RNF130: variants seen among roughly 807,000 people sequenced by gnomAD.
RNF130 encodes the protein E3 ubiquitin-protein ligase RNF130.
A neutral mutation model predicts 44.6 loss-of-function variants in RNF130; 21 were observed. The observed-to-expected ratio is 0.47, with a 90% CI of 0.33 to 0.68. The LOEUF is 0.68. Ranked by LOEUF, RNF130 falls within the 30% of genes least tolerant of loss-of-function variation. The pLI is 0.02. For synonymous variants in RNF130, 214 were observed against 210.4 expected, an observed-to-expected ratio of 1.02 and a Z score of -0.15; for missense variants, 479 against 560.6, an observed-to-expected ratio of 0.85 and a Z score of 1.47.
chr5:180,065,132 AT>A (rs1349977781), intron 1 of RNF130, among the ~76,000 whole-genome samples: 3 of 140,062 alleles, frequency 2.1e-5, no homozygotes, highest in Admixed American at 7.2e-5. Flanking sequence ...TACAGAATGA[AT>A]TTAAAAAAAA....
chr5:179,941,480 G>A (rs974717182), intron 7 of RNF130, among the ~76,000 whole-genome samples: 2 of 152,108 alleles, frequency 1.3e-5, no homozygotes, highest in African/African-American at 2.4e-5. Flanking sequence ...GATGGTTATC[G>A]GGGTTCTTTC....
At chr5:179,926,510 G>A (rs1761709315) in intron 7 of RNF130, among the ~76,000 whole-genome samples, 1 of 150,140 alleles carries the variant, frequency 6.7e-6, no homozygotes, top group African/African-American at 2.5e-5. Context: ...TTAGCCGGGT[G>A]TGGTGGCGCA....
intron 1 of RNF130, among the ~76,000 whole-genome samples, chr5:180,061,599 G>A (rs1764988314): frequency 6.6e-6 from 1 of 152,162 alleles, no homozygotes; most frequent in South Asian, 2.1e-4. Context: ...GCCGGTTTGT[G>A]GCAGAATGAT....
At chr5:180,055,443 TGTGTGTGTGC>T (rs1184616134) in intron 1 of RNF130, among the ~76,000 whole-genome samples, 1 of 149,260 alleles carries the variant, frequency 6.7e-6, no homozygotes, top group African/African-American at 2.5e-5. Flanking sequence ...GATGACTTTG[TGTGTGTGTGC>T]GTGTGTGTGT....
chr5:179,996,424 T>C (rs963434569), intron 3 of RNF130, among the ~76,000 whole-genome samples: 3 of 152,240 alleles, frequency 2.0e-5, no homozygotes, highest in Non-Finnish European at 4.4e-5. Flanking sequence ...GTTTTCAGCT[T>C]TTCCACGTTC....
chr5:180,013,596 A>G (rs1763643060), intron 2 of RNF130, among the ~76,000 whole-genome samples: 1 of 152,248 alleles, frequency 6.6e-6, no homozygotes, highest in African/African-American at 2.4e-5. Context: ...TTAAAAAAAG[A>G]TTATTAAACC....
chr5:179,961,719 T>C (rs1762333783), intron 8 of RNF130, among the ~76,000 whole-genome samples: 1 of 152,126 alleles, frequency 6.6e-6, no homozygotes, highest in South Asian at 2.1e-4. Flanking sequence ...GCAAAAGAGG[T>C]GGCTGTGGGT....
intron 3 of RNF130, among the ~76,000 whole-genome samples, chr5:179,996,502 C>T (rs566108238): frequency 2.6e-5 from 4 of 152,262 alleles, no homozygotes; most frequent in East Asian, 3.9e-4. Flanking sequence ...CTTTCTATAC[C>T]TAACTTGTTA....
chr5:180,055,336 G>A (rs1764790955), intron 1 of RNF130, among the ~76,000 whole-genome samples: 1 of 146,924 alleles, frequency 6.8e-6, no homozygotes, highest in African/African-American at 2.5e-5. Flanking sequence ...TTGAGAAGGA[G>A]TCACTCTGAG....
intron 3 of RNF130, among the ~76,000 whole-genome samples, chr5:179,994,192 G>A (rs193200750): frequency 6.7e-4 from 101 of 151,550 alleles, no homozygotes; most frequent in African/African-American, 2.3e-3. Context: ...TGGCTTATGC[G>A]GGCTCTTTTT....
intron 8 of RNF130, among the ~76,000 whole-genome samples, chr5:179,959,941 T>C (rs949894630): frequency 1.3e-5 from 2 of 152,216 alleles, no homozygotes; most frequent in African/African-American, 4.8e-5. Flanking sequence ...TAGAACGTGA[T>C]TTCTATGAAT....
intron 3 of RNF130, among the ~76,000 whole-genome samples, chr5:179,997,108 C>T (rs1165505202): frequency 6.6e-6 from 1 of 152,062 alleles, no homozygotes; most frequent in East Asian, 1.9e-4. Context: ...CTTTTTATTT[C>T]ACTGATCATT....
downstream of RNF130, among the ~76,000 whole-genome samples, chr5:179,952,115 T>G (rs751593602): frequency 3.3e-5 from 5 of 152,120 alleles, no homozygotes; most frequent in Admixed American, 1.3e-4. Flanking sequence ...GGAGGATTGT[T>G]GGAGCCAGGG....
At chr5:180,060,782 A>G (rs1764960437) in intron 1 of RNF130, among the ~76,000 whole-genome samples, 1 of 152,204 alleles carries the variant, frequency 6.6e-6, no homozygotes, top group African/African-American at 2.4e-5. Context: ...CTAGATGAAG[A>G]TACAGAAAGC....
intron 7 of RNF130, among the ~76,000 whole-genome samples, chr5:179,924,221 C>T (rs534809825): frequency 1.3e-5 from 2 of 152,020 alleles, no homozygotes; most frequent in South Asian, 2.1e-4. Context: ...TACTGCTGGG[C>T]GTGGTGGCTC....
chr5:180,006,179 A>G (rs1034064578), intron 3 of RNF130, among the ~76,000 whole-genome samples: 3 of 152,198 alleles, frequency 2.0e-5, no homozygotes, highest in African/African-American at 7.2e-5. Flanking sequence ...CATAATGAAC[A>G]AAATTCACTC....
intron 7 of RNF130, among the ~76,000 whole-genome samples, chr5:179,946,627 C>T (rs528171138): frequency 4.6e-4 from 70 of 150,854 alleles, no homozygotes; most frequent in Non-Finnish European, 9.6e-4. Flanking sequence ...GATCTTGGCT[C>T]ACTGCAAGCT....
chr5:179,968,666 A>C (rs2113705827), intron 6 of RNF130, among the ~76,000 whole-genome samples: 1 of 139,034 alleles, frequency 7.2e-6, no homozygotes, highest in African/African-American at 2.9e-5. Flanking sequence ...ACTCTGTCTC[A>C]TAAAAAAAAA....
chr5:179,972,423 G>A (rs1762605710), intron 5 of RNF130, among the ~76,000 whole-genome samples: 1 of 152,226 alleles, frequency 6.6e-6, no homozygotes, highest in Non-Finnish European at 1.5e-5. Context: ...CCTACACAGG[G>A]TGGACGATGG....
Sources: allele counts gnomAD v4.1 joint callset (sites outside exome capture counted in the v4.1 genomes callset), GRCh38; gene constraint gnomAD v4.1.1; transcripts MANE v1.5; gene names NCBI Gene and HGNC (gene_info 2026-07-23, HGNC 2026-07-21).